The following SLC45A3 variants were observed in gnomAD, a reference collection of about 807,000 sequenced individuals.
The protein encoded by SLC45A3 is solute carrier family 45 member 3.
SLC45A3 carries 17 observed loss-of-function variants against 35.3 expected under a neutral mutation model. That is an observed-to-expected ratio of 0.48 (90% CI 0.33 to 0.72). The LOEUF (loss-of-function observed/expected upper bound fraction) is 0.72, where lower values mean the gene tolerates loss of function less well. SLC45A3 is among the 30% of genes least tolerant of loss of function. The pLI is 0.02. For synonymous variants in SLC45A3, 288 were observed against 334.3 expected, an observed-to-expected ratio of 0.86 and a Z score of 1.51; for missense variants, 597 against 731.7, an observed-to-expected ratio of 0.82 and a Z score of 2.12.
In SLC45A3 at chr1:205,663,263, G is replaced by A; in HGVS notation, c.528C>T (p.Tyr176=). ...FMISLGGCLG[Y]LLPAIDWDTS... ...TGTCCCAGTCAATGGCAGGCAGGAG[G>A]TAGCCCAGGCAGCCCCCAAGACTGA... Residue 176 remains tyrosine (Y), a synonymous_variant, in exon 3 of 5, where the codon TAC becomes TAT. Coordinates refer to ENST00000367145, the MANE Select transcript of SLC45A3 (RefSeq NM_033102.3). 1 of 1,613,612 alleles carries A rather than the reference G, an allele frequency of 6.2e-7. No homozygotes were observed. The highest frequency in any genetic ancestry group is 8.5e-7 in the Non-Finnish European group (1 of 1,180,042).
intron 1 of SLC45A3, among the ~76,000 whole-genome samples, chr1:205,677,174 T>C (rs758128150): frequency 2.6e-5 from 4 of 152,164 alleles, no homozygotes; most frequent in Non-Finnish European, 4.4e-5. Flanking sequence ...TCTGGGAAGG[T>C]AGGCTGGGCA....
Position 205,659,816 on chromosome 1 carries a change from C to T in SLC45A3, c.1225-145G>A, listed in dbSNP as rs1040413418. 1 of 776,582 alleles carries T rather than the reference C, an allele frequency of 1.3e-6. No homozygotes were observed. Among genetic ancestry groups the T allele is most frequent in the African/African-American group, 1.7e-5 (1 of 57,256 alleles). The allele number at this position is 776,582 out of a possible 1,614,324, so 48.1% of individuals were successfully genotyped here. A position where few individuals can be genotyped will look rare whatever the true frequency, so the allele number is the denominator to read the frequency against. On this transcript the variant is annotated intron_variant, in intron 4 of 4. Coordinates refer to ENST00000367145, the MANE Select transcript of SLC45A3 (RefSeq NM_033102.3). The surrounding 1 kb of genome is among the most constrained non-coding windows in gnomAD (Gnocchi z 5.8). ...TCAGGAGCAGGAGAGAAGATGGAGA[C>T]CCTACTTGGTCCAAGTCTAACCAGG...
rs755974293 is a variant in SLC45A3 at position 205,663,257 on chromosome 1, C to A, written c.534G>T (p.Leu178=). Residue 178 remains leucine, a synonymous_variant, in exon 3 of 5, where the codon CTG becomes CTT. Transcript: ENST00000367145. ...ISLGGCLGYL[L]PAIDWDTSAL... ...CACTGGTGTCCCAGTCAATGGCAGG[C>A]AGGAGGTAGCCCAGGCAGCCCCCAA... The A allele has an allele frequency of 2.9e-5, 47 of 1,613,492 alleles. No homozygotes were observed. The highest frequency in any genetic ancestry group is 3.9e-5 in the Non-Finnish European group (46 of 1,180,034).
chr1:205,661,730 T>C lies in SLC45A3; in HGVS notation c.1224+131A>G, dbSNP rs1399207222. 5 of 1,343,580 alleles carry C rather than the reference T, an allele frequency of 3.7e-6. No homozygotes were observed. In the East Asian group the frequency reaches 1.2e-4, roughly 33 times the overall value. 83.2% of individuals were successfully genotyped at this position (1,343,580 alleles called of 1,614,324 possible). A position where few individuals can be genotyped will look rare whatever the true frequency, so the allele number is the denominator to read the frequency against. ...CAAGCCTCTGGCCCTGGGGCTAGGA[T>C]AAGCTTCTTCTCTGATTCAAAGAAG... On this transcript the variant is annotated intron_variant, in intron 4 of 4. Coordinates refer to ENST00000367145, the MANE Select transcript of SLC45A3 (RefSeq NM_033102.3).
chr1:205,663,784 A>T, intron 2 of SLC45A3, among the ~76,000 whole-genome samples, 166 bp from the exon 3 acceptor site: 1 of 152,110 alleles, frequency 6.6e-6, no homozygotes, highest in Non-Finnish European at 1.5e-5. Flanking sequence ...GGCATTACAG[A>T]TGCCCCCATT....
rs1216289213 is a variant in SLC45A3 at position 205,664,146 on chromosome 1, G to A, written c.172+339C>T. 6.6e-6 allele frequency among the ~76,000 whole-genome samples: 1 copy of A among 152,154 alleles called. No homozygotes were observed. The highest frequency in any genetic ancestry group is 2.4e-5 in the African/African-American group (1 of 41,424). ...CTTAAAAGCCTCTGCTTCCTTCTCT[G>A]TAAAATGGATCACCTCAAATGGTGG... On this transcript the variant is annotated intron_variant, in intron 2 of 4. Transcript: ENST00000367145. This position sits in a 1 kb window ranked among gnomAD's most constrained non-coding sequence, Gnocchi z 5.3.
At chr1:205,673,450 A>G (rs1671250331) in intron 1 of SLC45A3, among the ~76,000 whole-genome samples, 1 of 152,210 alleles carries the variant, frequency 6.6e-6, no homozygotes, top group Non-Finnish European at 1.5e-5. Flanking sequence ...TCTGCCAGTC[A>G]GCCAGGCTAG....
chr1:205,662,605 G>A lies in SLC45A3; in HGVS notation c.958+228C>T. ...CTCCGCCTTTCCTTCTGTCAAACTG[G>A]GGCAACGACTCTGATCAGACTCCTA... On this transcript the variant is annotated intron_variant, in intron 3 of 4. Coordinates refer to ENST00000367145, the MANE Select transcript of SLC45A3 (RefSeq NM_033102.3). This position sits in a 1 kb window ranked among gnomAD's most constrained non-coding sequence, Gnocchi z 6.2. The A allele has an allele frequency of 7.5e-7, 1 of 1,334,828 alleles. No homozygotes were observed. The highest frequency in any genetic ancestry group is 9.5e-7 in the Non-Finnish European group (1 of 1,047,630). 82.7% of individuals were successfully genotyped at this position (1,334,828 alleles called of 1,614,324 possible).
Position 205,664,663 on chromosome 1 carries a change from C to T in SLC45A3, c.-7G>A, listed in dbSNP as rs1259623137. 1 of 1,613,886 alleles carries T rather than the reference C, an allele frequency of 6.2e-7. No individual in the cohort carries two copies. Among genetic ancestry groups the T allele is most frequent in the Admixed American group, 1.7e-5 (1 of 60,002 alleles). On this transcript the variant is annotated 5_prime_UTR_variant, in exon 2 of 5. Transcript: ENST00000367145. The surrounding 1 kb of genome is among the most constrained non-coding windows in gnomAD (Gnocchi z 5.3). ...CCCACAGCCTCTGGACCATAGTGGGCCAGGCGGGTAGGGCTCAGGGGGCCG... is the reference window on the plus strand; with the variant it reads ...CCCACAGCCTCTGGACCATAGTGGGTCAGGCGGGTAGGGCTCAGGGGGCCG...
Position 205,662,173 on chromosome 1 carries a change from C to G in SLC45A3, c.959-47G>C, listed in dbSNP as rs555347637. On this transcript the variant is annotated intron_variant, in intron 3 of 4. Coordinates refer to ENST00000367145, the MANE Select transcript of SLC45A3 (RefSeq NM_033102.3). This position sits in a 1 kb window ranked among gnomAD's most constrained non-coding sequence, Gnocchi z 6.2. ...CAGACAGAGCCTGGGAGGGAAGGGT[C>G]GGAGCAGTCTCAGGGAGATGAGAAG... 12 of 1,577,504 alleles carry G rather than the reference C, an allele frequency of 7.6e-6. No homozygotes were observed. The highest frequency in any genetic ancestry group is 1.2e-5 in the South Asian group (1 of 85,036).
intron 1 of SLC45A3, among the ~76,000 whole-genome samples, chr1:205,668,238 T>C (rs7521095): frequency 0.031 from 4,710 of 152,144 alleles, 131 homozygotes; most frequent in African/African-American, 0.075. Flanking sequence ...TCCCTGTCAT[T>C]TCATCCCTCC....
intron 1 of SLC45A3, among the ~76,000 whole-genome samples, chr1:205,678,811 A>AG (rs1671353131): frequency 6.6e-6 from 1 of 152,194 alleles, no homozygotes; most frequent in Non-Finnish European, 1.5e-5. Flanking sequence ...GGAGGAGATA[A>AG]GGGAGGAATG....
chr1:205,669,757 C>T lies in SLC45A3; in HGVS notation c.-230-4871G>A, dbSNP rs957211162. On this transcript the variant is annotated intron_variant, in intron 1 of 4. Transcript: ENST00000367145. The surrounding 1 kb of genome is among the most constrained non-coding windows in gnomAD (Gnocchi z 4.1). ...GCTCCTCTCCCCTTCACAGCCACCC[C>T]GCAGCCCTCCCCACAGAAGGGGAAA... Among the ~76,000 whole-genome samples the T allele has an allele frequency of 2.6e-5, 4 of 152,234 alleles. No homozygotes were observed. The highest frequency in any genetic ancestry group is 4.4e-5 in the Non-Finnish European group (3 of 68,036).
chr1:205,659,463 G>C lies in SLC45A3; in HGVS notation c.1433C>G (p.Thr478Ser), dbSNP rs770282409. ...CCGGCCCGGAACCACCCTGGCCTCG[G>C]TGGGCTCACCCACCACCACACGTAC... ...VSVRVVVGEP[T>S]EARVVPGRGI... The change falls in exon 5 of 5, where the codon ACC becomes AGC. Residue 478 changes from threonine to serine, a missense_variant. By Grantham distance (58) the Thr-to-Ser change is moderately conservative (BLOSUM62 1). Around this residue, in one of 3 missense-constraint regions of SLC45A3, gnomAD observed 555 missense variants for 664.9 expected, o/e 0.83. Transcript: ENST00000367145. The surrounding 1 kb of genome is among the most constrained non-coding windows in gnomAD (Gnocchi z 5.8). The C allele has an allele frequency of 1.2e-6, 2 of 1,614,100 alleles. No individual in the cohort carries two copies. Among genetic ancestry groups the C allele is most frequent in the Non-Finnish European group, 1.7e-6 (2 of 1,179,990 alleles).
chr1:205,667,164 C>T (rs903499012), intron 1 of SLC45A3, among the ~76,000 whole-genome samples: 1 of 151,982 alleles, frequency 6.6e-6, no homozygotes, highest in African/African-American at 2.4e-5. Flanking sequence ...AGGGCAGGAG[C>T]TTAAGAACAG....
At chr1:205,661,131 G>A (rs1315890659) in intron 4 of SLC45A3, among the ~76,000 whole-genome samples, 1 of 152,178 alleles carries the variant, frequency 6.6e-6, no homozygotes, top group African/African-American at 2.4e-5. Flanking sequence ...GAGGGGACAA[G>A]GATGACCACA....
intron 1 of SLC45A3, among the ~76,000 whole-genome samples, chr1:205,675,721 G>A (rs780555974): frequency 6.6e-6 from 1 of 152,044 alleles, no homozygotes; most frequent in Non-Finnish European, 1.5e-5. Context: ...TGCTTCCAAG[G>A]TGGTCACCGT....
chr1:205,659,472 C>T lies in SLC45A3; in HGVS notation c.1424G>A (p.Gly475Asp), dbSNP rs1553247121. The T allele has an allele frequency of 1.9e-6, 3 of 1,613,910 alleles. No individual in the cohort carries two copies. Among genetic ancestry groups the T allele is most frequent in the Non-Finnish European group, 2.5e-6 (3 of 1,179,980 alleles). Residue 475 changes from glycine (G) to aspartate (D), a missense_variant, in exon 5 of 5, where the codon GGT becomes GAT. Gly to Asp is a moderately conservative substitution (Grantham distance 94). Coordinates refer to ENST00000367145, the MANE Select transcript of SLC45A3 (RefSeq NM_033102.3). This position sits in a 1 kb window ranked among gnomAD's most constrained non-coding sequence, Gnocchi z 5.8. ...AACCACCCTGGCCTCGGTGGGCTCA[C>T]CCACCACCACACGTACGGAGACATC... ...ACDVSVRVVVGEPTEARVVPG... is the reference protein window; with the variant it reads ...ACDVSVRVVVDEPTEARVVPG...
At position 205,663,090 on chromosome 1, in the gene SLC45A3, G is replaced by T. The variant is rs746731143; in HGVS notation, c.701C>A (p.Ala234Asp). Reference protein sequence around the residue: ...GPTEPAEGLSAPSLSPHCCPC... With the variant: ...GPTEPAEGLSDPSLSPHCCPC... ...ACAGCAGTGGGGCGACAAGGAGGGG[G>T]CCGACAGCCCTTCTGCTGGCTCGGT... Residue 234 changes from alanine (A) to aspartate (D), a missense_variant, in exon 3 of 5, where the codon GCC becomes GAC. Around this residue, in one of 3 missense-constraint regions of SLC45A3, gnomAD observed 555 missense variants for 664.9 expected, o/e 0.83. Transcript: ENST00000367145. 5.1e-6 allele frequency: 8 copies of T among 1,578,988 alleles called. No individual in the cohort carries two copies. Among genetic ancestry groups the T allele is most frequent in the Non-Finnish European group, 1.7e-6 (2 of 1,169,416 alleles).
Sources: gnomAD v4.1 joint callset for allele counts (sites outside exome capture counted in the v4.1 genomes callset) on GRCh38, gnomAD v4.1.1 for gene constraint, gnomAD v4.1.1 regional missense constraint, Gnocchi (gnomAD v3.1) non-coding constraint, MANE v1.5 for transcripts, NCBI Gene and HGNC (gene_info 2026-07-23, HGNC 2026-07-21) for gene names.